The following TTC28 variants were observed in gnomAD, a reference collection of about 807,000 sequenced individuals.
TTC28 encodes tetratricopeptide repeat domain 28.
TTC28 carries 61 observed loss-of-function variants against 198.0 expected under a neutral mutation model. The ratio of observed to expected loss-of-function variants is 0.31; its 90% CI spans 0.25 to 0.38. The LOEUF (loss-of-function observed/expected upper bound fraction) is 0.38, where lower values mean the gene tolerates loss of function less well. Ranked by LOEUF, TTC28 falls within the 10% of genes least tolerant of loss-of-function variation. TTC28 has a pLI of 1.00. For synonymous variants in TTC28, 1,171 were observed against 1,297.8 expected, an observed-to-expected ratio of 0.90 and a Z score of 2.10; for missense variants, 2,678 against 3,164.0, an observed-to-expected ratio of 0.85 and a Z score of 3.69.
At chr22:28,223,896 G>A (rs546208680) in intron 5 of TTC28, among the ~76,000 whole-genome samples, 1 of 152,252 alleles carries the variant, frequency 6.6e-6, no homozygotes, top group East Asian at 1.9e-4. Flanking sequence ...GGATTTTGGC[G>A]GGAAAATCCC....
chr22:28,603,190 T>C (rs1218573377), intron 2 of TTC28, among the ~76,000 whole-genome samples: 1 of 152,138 alleles, frequency 6.6e-6, no homozygotes, highest in East Asian at 1.9e-4. Flanking sequence ...CTAACTTTAG[T>C]TCTTAGAAGC....
Position 28,356,701 on chromosome 22 carries a change from G to C in TTC28, c.382-50058C>G, listed in dbSNP as rs546430170. ...TCCAAACCCAAGCCCTGTCAGGGGT[G>C]GAGAGTGGCAGTAGTCACTGAGGTA... On this transcript the variant is annotated intron_variant, in intron 2 of 22. Transcript: ENST00000397906. Among the ~76,000 whole-genome samples the C allele has an allele frequency of 1.1e-4, 17 of 152,312 alleles. 1 individual carries two copies. Among genetic ancestry groups the C allele is most frequent in the African/African-American group, 3.8e-4 (16 of 41,560 alleles).
Position 28,677,094 on chromosome 22 carries a change from G to A in TTC28, c.102+2528C>T, listed in dbSNP as rs376138654. Among the ~76,000 whole-genome samples the A allele has an allele frequency of 6.2e-4, 90 of 145,700 alleles. No individual in the cohort carries two copies. In the South Asian group the frequency reaches 0.014, roughly 22 times the overall value. On this transcript the variant is annotated intron_variant, in intron 1 of 22. Coordinates refer to ENST00000397906, the MANE Select transcript of TTC28 (RefSeq NM_001145418.2). ...TGCTTGAGCCAGGAGGGTGGAGGCT[G>A]CAGTGAGGCCAAGATCATGCCATTG...
chr22:28,440,286 G>A (rs562200041), intron 2 of TTC28, among the ~76,000 whole-genome samples: 1 of 152,066 alleles, frequency 6.6e-6, no homozygotes. Flanking sequence ...TTGACACTGG[G>A]GGCAGAACAT....
intron 1 of TTC28, among the ~76,000 whole-genome samples, chr22:28,671,008 CT>C (rs2051871059): frequency 6.6e-6 from 1 of 152,042 alleles, no homozygotes; most frequent in African/African-American, 2.4e-5. Flanking sequence ...GAAATGTCTA[CT>C]TTTTTGGTTT....
In TTC28 at chr22:28,454,881, A is replaced by G. The variant is rs60186247; in HGVS notation, c.382-148238T>C. On this transcript the variant is annotated intron_variant, in intron 2 of 22. Coordinates refer to ENST00000397906, the MANE Select transcript of TTC28 (RefSeq NM_001145418.2). ...CCAAACTGACAGGCAGCCTTAAGTG[A>G]GATAGTCAAAACATACATATGCTAA... 8.6e-3 allele frequency among the ~76,000 whole-genome samples: 1,314 copies of G among 152,360 alleles called. 16 individuals carry two copies. Among genetic ancestry groups the G allele is most frequent in the African/African-American group, 0.03 (1,241 of 41,584 alleles).
chr22:28,085,689 A>G (rs370627280), intron 12 of TTC28, among the ~76,000 whole-genome samples: 3,167 of 152,150 alleles, frequency 0.021, 39 homozygotes, highest in Non-Finnish European at 0.027. Flanking sequence ...AATGGACTAA[A>G]TGCTCCAATT....
At chr22:28,094,869 T>C (rs1305790892) in intron 11 of TTC28, among the ~76,000 whole-genome samples, 1 of 152,178 alleles carries the variant, frequency 6.6e-6, no homozygotes, top group Non-Finnish European at 1.5e-5. Context: ...TCTCAAATGG[T>C]AATGAGGTGT....
chr22:28,198,735 T>C (rs1277367449), intron 5 of TTC28, among the ~76,000 whole-genome samples: 1 of 152,120 alleles, frequency 6.6e-6, no homozygotes, highest in Non-Finnish European at 1.5e-5. Flanking sequence ...CTCAAGCTGC[T>C]AGGAGCTCTG....
intron 6 of TTC28, among the ~76,000 whole-genome samples, chr22:28,136,055 C>G (rs766962037): frequency 2.6e-5 from 4 of 151,986 alleles, no homozygotes; most frequent in Non-Finnish European, 4.4e-5. Flanking sequence ...ACAGCAATGA[C>G]CAGTTGCTAT....
intron 5 of TTC28, among the ~76,000 whole-genome samples, chr22:28,194,512 T>A (rs1050355977): frequency 6.6e-6 from 1 of 151,944 alleles, no homozygotes; most frequent in Admixed American, 6.6e-5. Context: ...TTTGAAAAGA[T>A]CAACAAAATT....
intron 2 of TTC28, among the ~76,000 whole-genome samples, chr22:28,627,262 A>C (rs1355429555): frequency 6.6e-6 from 1 of 152,120 alleles, no homozygotes; most frequent in East Asian, 1.9e-4. Flanking sequence ...CTTAAGCAAC[A>C]ATCTTCCAAG....
chr22:28,158,156 C>A (rs1013187092), intron 6 of TTC28, among the ~76,000 whole-genome samples: 1 of 152,088 alleles, frequency 6.6e-6, no homozygotes, highest in Non-Finnish European at 1.5e-5. Flanking sequence ...AAAGGAATCT[C>A]ATTTACAATA....
chr22:27,986,530 G>A (rs1284622163), intron 21 of TTC28: 1 of 152,232 alleles, frequency 6.6e-6, no homozygotes, highest in Non-Finnish European at 1.5e-5. Flanking sequence ...TGCATTGAGA[G>A]CACTGGGTAG....
chr22:28,105,184 A>G (rs1942258296), intron 8 of TTC28, 95 bp downstream of exon 8: 1 of 1,363,030 alleles, frequency 7.3e-7, no homozygotes, highest in Admixed American at 2.3e-5. Context: ...AGAGGTGGCC[A>G]TTCAAACTGT....
chr22:28,201,722 G>C (rs1950532594), intron 5 of TTC28, among the ~76,000 whole-genome samples: 1 of 149,284 alleles, frequency 6.7e-6, no homozygotes, highest in Non-Finnish European at 1.5e-5. Flanking sequence ...GGTCTAATTT[G>C]GGTTTGTGAA....
At chr22:28,578,726 A>G (rs971181875) in intron 2 of TTC28, among the ~76,000 whole-genome samples, 3 of 152,138 alleles carry the variant, frequency 2.0e-5, no homozygotes, top group Non-Finnish European at 4.4e-5. Flanking sequence ...GCATGGAGAG[A>G]AAATGTGTTT....
At chr22:28,368,832 C>A (rs1236523224) in intron 2 of TTC28, among the ~76,000 whole-genome samples, 1 of 151,694 alleles carries the variant, frequency 6.6e-6, no homozygotes, top group Non-Finnish European at 1.5e-5. Context: ...AGGAATTACC[C>A]AAAGAAGTGA....
intron 5 of TTC28, among the ~76,000 whole-genome samples, chr22:28,294,132 A>C (rs2044842727): frequency 6.6e-6 from 1 of 152,186 alleles, no homozygotes; most frequent in Admixed American, 6.5e-5. Flanking sequence ...CATAAGGAGA[A>C]TATCCCAATA....
Sources: gnomAD v4.1 joint callset for allele counts (sites outside exome capture counted in the v4.1 genomes callset) on GRCh38, gnomAD v4.1.1 for gene constraint, MANE v1.5 for transcripts, NCBI Gene and HGNC (gene_info 2026-07-23, HGNC 2026-07-21) for gene names.